FREM3: variants seen among roughly 807,000 people sequenced by gnomAD.
FREM3 encodes the protein FRAS1-related extracellular matrix protein 3.
A neutral mutation model predicts 129.1 loss-of-function variants in FREM3; 105 were observed. That is an observed-to-expected ratio of 0.81 (90% CI 0.69 to 0.96). FREM3 has a LOEUF of 0.96. Among genes scored for constraint, FREM3 ranks in the 40% least tolerant of loss-of-function variants. The pLI, the probability that FREM3 is intolerant of heterozygous loss-of-function variation, is 0.00. For missense variants in FREM3, 2,593 were observed against 2,666.3 expected (o/e 0.97, Z 0.61); for synonymous variants, 1,014 against 1,044.9 (o/e 0.97, Z 0.57).
chr4:143,695,741 A>T lies in FREM3; in HGVS notation c.4935T>A (p.Pro1645=). The T allele has an allele frequency of 1.3e-6, 2 of 1,537,142 alleles. No individual in the cohort carries two copies. The highest frequency in any genetic ancestry group is 2.7e-5 in the African/African-American group (2 of 73,106). ...ATCTTATCTGGACCCTCATTACTTG[A>T]GGTTTGTGTGTCGCCAGGGCAGTGT... is the stretch of plus-strand genomic sequence containing the variant. The part of the protein sequence containing the change: ...LPDTALATHK[P]QVMRVQIRSL... Residue 1645 remains proline (P), a synonymous_variant, in exon 1 of 8, where the codon CCT becomes CCA. Coordinates refer to ENST00000329798, the MANE Select transcript of FREM3 (RefSeq NM_001168235.2).
chr4:143,591,290 T>A (rs534126256), intron 6 of FREM3, among the ~76,000 whole-genome samples: 1 of 152,334 alleles, frequency 6.6e-6, no homozygotes, highest in East Asian at 1.9e-4. Context: ...AGCTTTTGAA[T>A]GTGTTTGCTC....
At chr4:143,609,567 G>A (rs907864064) in intron 6 of FREM3, among the ~76,000 whole-genome samples, 1 of 152,082 alleles carries the variant, frequency 6.6e-6, no homozygotes, top group Admixed American at 6.5e-5. Context: ...AGCACTCGGT[G>A]TGGGTAAATC....
At chr4:143,652,746 C>T (rs1739534864) in intron 2 of FREM3, among the ~76,000 whole-genome samples, 6 of 152,186 alleles carry the variant, frequency 3.9e-5, no homozygotes, top group South Asian at 2.1e-4. Flanking sequence ...TCTCCTGCCT[C>T]AGCCTCTGAG....
chr4:143,627,843 G>A, intron 2 of FREM3, 83 bp from the exon 3 acceptor site: 1 of 859,160 alleles, frequency 1.2e-6, no homozygotes, highest in Non-Finnish European at 1.8e-6. Flanking sequence ...TTTTACTTCT[G>A]AAACCAAGGG....
At position 143,652,323 on chromosome 4, in the gene FREM3, C is replaced by T. The variant is rs1211289990; in HGVS notation, c.5276-24563G>A. On this transcript the variant is annotated intron_variant, in intron 2 of 7. Transcript: ENST00000329798. ...GACTACAGGCGCCCGCCACCGCGCCCGGCTAATTTTTTGTATTTTTAGTAG... is the reference window on the plus strand; with the variant it reads ...GACTACAGGCGCCCGCCACCGCGCCTGGCTAATTTTTTGTATTTTTAGTAG... 6.4e-5 allele frequency among the ~76,000 whole-genome samples: 6 copies of T among 93,652 alleles called. 1 individual carries two copies. Among genetic ancestry groups the T allele is most frequent in the African/African-American group, 1.6e-4 (5 of 30,714 alleles). 61.4% of individuals were successfully genotyped at this position (93,652 alleles called of 152,430 possible). A position where few individuals can be genotyped will look rare whatever the true frequency, so the allele number is the denominator to read the frequency against.
chr4:143,644,066 G>A (rs1456773702), intron 2 of FREM3, among the ~76,000 whole-genome samples: 1 of 152,130 alleles, frequency 6.6e-6, no homozygotes, highest in Non-Finnish European at 1.5e-5. Context: ...ATAGGATACT[G>A]TTATACGATG....
At chr4:143,664,600 C>T (rs977558802) in intron 2 of FREM3, among the ~76,000 whole-genome samples, 2 of 152,134 alleles carry the variant, frequency 1.3e-5, no homozygotes, top group Non-Finnish European at 2.9e-5. Flanking sequence ...GCTGGGACAA[C>T]CACTGCTCTC....
At chr4:143,656,886 TA>T (rs888532439) in intron 2 of FREM3, among the ~76,000 whole-genome samples, 37 of 152,054 alleles carry the variant, frequency 2.4e-4, no homozygotes, top group African/African-American at 2.4e-5. Flanking sequence ...GATTTTATTT[TA>T]AAAAAACAAA....
At chr4:143,597,583 A>AATCAAC (rs1738505741) in intron 6 of FREM3, among the ~76,000 whole-genome samples, 1 of 152,222 alleles carries the variant, frequency 6.6e-6, no homozygotes, top group South Asian at 2.1e-4. Flanking sequence ...GCAAAATACA[A>AATCAAC]ATCAACATAC....
At position 143,697,305 on chromosome 4, in the gene FREM3, G is replaced by A; in HGVS notation, c.3371C>T (p.Ala1124Val). The A allele has an allele frequency of 6.5e-7, 1 of 1,537,312 alleles. No homozygotes were observed. The part of the protein sequence containing the change: ...ASGYLEKIAS[A>V]PGSKMSQSGS... ...AGACTGGGACATTTTTGAACCAGGA[G>A]CTGATGCAATCTTTTCCAGGTAGCC... Residue 1124 changes from alanine to valine, a missense_variant, in exon 1 of 8, where the codon GCT becomes GTT. Around this residue, in one of 2 missense-constraint regions of FREM3, gnomAD observed 2,276 missense variants for 2,267.2 expected, o/e 1.00. Transcript: ENST00000329798.
intron 2 of FREM3, among the ~76,000 whole-genome samples, chr4:143,651,409 C>G (rs553281893): frequency 6.6e-6 from 1 of 152,262 alleles, no homozygotes; most frequent in African/African-American, 2.4e-5. Context: ...AGACCGAAAT[C>G]CCAATTCTTA....
chr4:143,696,080 A>G lies in FREM3; in HGVS notation c.4596T>C (p.Asp1532=). ...TCAAGATAGGTTTCTTATTATCCAC[A>G]TCAGTGATGAAGATCCTGAAGGTTC... ...VFRTFRIFIT[D]VDNKKPILTI... The change falls in exon 1 of 8, where the codon GAT becomes GAC. Residue 1532 remains aspartate (D), a synonymous_variant. Transcript: ENST00000329798. 1 of 1,537,554 alleles carries G rather than the reference A, an allele frequency of 6.5e-7. No homozygotes were observed. The highest frequency in any genetic ancestry group is 8.7e-7 in the Non-Finnish European group (1 of 1,146,978).
At chr4:143,629,488 A>G (rs1178260283) in intron 2 of FREM3, among the ~76,000 whole-genome samples, 3 of 152,150 alleles carry the variant, frequency 2.0e-5, no homozygotes, top group Non-Finnish European at 4.4e-5. Context: ...AAAAAATAAC[A>G]TTATTGATAC....
chr4:143,584,374 G>A (rs1337007820), intron 7 of FREM3, among the ~76,000 whole-genome samples: 19 of 149,634 alleles, frequency 1.3e-4, no homozygotes, highest in Non-Finnish European at 2.5e-4. Context: ...GCGCCACTGC[G>A]GTCCGCAGTC....
chr4:143,588,534 G>A (rs1379964738), intron 6 of FREM3, among the ~76,000 whole-genome samples: 1 of 151,990 alleles, frequency 6.6e-6, no homozygotes, highest in Non-Finnish European at 1.5e-5. Flanking sequence ...GAGAATGATG[G>A]TTTCCAGCTT....
intron 6 of FREM3, among the ~76,000 whole-genome samples, chr4:143,610,052 T>C (rs1261812698): frequency 6.6e-6 from 1 of 152,206 alleles, no homozygotes; most frequent in African/African-American, 2.4e-5. Flanking sequence ...TTAATTCCAA[T>C]GAAGAAATTT....
At position 143,700,163 on chromosome 4, in the gene FREM3, C is replaced by A; in HGVS notation, c.513G>T (p.Thr171=). The A allele has an allele frequency of 6.5e-7, 1 of 1,537,044 alleles. No individual in the cohort carries two copies. The change falls in exon 1 of 8, where the codon ACG becomes ACT. Residue 171 remains threonine (T), a synonymous_variant. Transcript: ENST00000329798. The stretch of plus-strand genomic sequence containing the variant: ...TCTCCACTACCAAAGGCCTGTTACG[C>A]GTCACCAGCTCCAGCTGGGAGAAGA... ...DLVFSQLELV[T]RNRPLVVEKL... is the part of the protein sequence containing the mutation.
intron 6 of FREM3, chr4:143,601,938 A>G (rs1738580395): frequency 3.3e-5 from 5 of 152,288 alleles, no homozygotes; most frequent in South Asian, 2.1e-4. Context: ...AGCAAAATAG[A>G]ATAAAATTCC....
intron 6 of FREM3, among the ~76,000 whole-genome samples, chr4:143,604,086 C>A (rs1200093947): frequency 1.3e-5 from 2 of 151,988 alleles, no homozygotes; most frequent in African/African-American, 4.8e-5. Context: ...GTATGAGTAC[C>A]CACATGATCT....
Sources: gnomAD v4.1 joint callset for allele counts (sites outside exome capture counted in the v4.1 genomes callset) on GRCh38, gnomAD v4.1.1 for gene constraint, gnomAD v4.1.1 regional missense constraint, MANE v1.5 for transcripts, NCBI Gene and HGNC (gene_info 2026-07-23, HGNC 2026-07-21) for gene names.